The following ZNRF3 variants were observed in gnomAD, a reference collection of about 807,000 sequenced individuals.
ZNRF3 encodes the protein E3 ubiquitin-protein ligase ZNRF3.
Under a neutral mutation model 72.5 loss-of-function variants are expected in ZNRF3, and 23 were observed. The observed-to-expected ratio is 0.32, with a 90% CI of 0.23 to 0.45. ZNRF3 has a LOEUF of 0.45. Among genes scored for constraint, ZNRF3 ranks in the 20% least tolerant of loss-of-function variants. The pLI is 1.00. For synonymous variants in ZNRF3, 610 were observed against 545.3 expected (o/e 1.12, Z -1.65); for missense variants, 1,169 against 1,272.1 (o/e 0.92, Z 1.23).
At chr22:28,930,912 T>G (rs1475256737) in intron 1 of ZNRF3, among the ~76,000 whole-genome samples, 1 of 152,174 alleles carries the variant, frequency 6.6e-6, no homozygotes, top group Non-Finnish European at 1.5e-5. Context: ...GCTGGGTCTT[T>G]GTCATAGGTT....
At chr22:28,920,300 TC>T (rs1168940154) in intron 1 of ZNRF3, among the ~76,000 whole-genome samples, 3 of 151,010 alleles carry the variant, frequency 2.0e-5, no homozygotes, top group African/African-American at 4.9e-5. Context: ...AGACAGAGTC[TC>T]GCTCTGTTGC....
In ZNRF3 at chr22:29,049,169, C is replaced by G; in HGVS notation, c.1016-28C>G. ...CTGACACCAGTATGCTCAGCCCTGCCTACTCTGTTTCCTCCACTTGTCTCC... is the reference window on the plus strand; with the variant it reads ...CTGACACCAGTATGCTCAGCCCTGCGTACTCTGTTTCCTCCACTTGTCTCC... On this transcript the variant is annotated intron_variant, in intron 7 of 8. Transcript: ENST00000544604. The surrounding 1 kb of genome is among the most constrained non-coding windows in gnomAD (Gnocchi z 5.2). 1.3e-6 allele frequency: 2 copies of G among 1,565,200 alleles called. No individual in the cohort carries two copies. Among genetic ancestry groups the G allele is most frequent in the Non-Finnish European group, 1.7e-6 (2 of 1,153,090 alleles).
intron 1 of ZNRF3, among the ~76,000 whole-genome samples, chr22:28,971,856 A>G (rs1012648550): frequency 2.0e-5 from 3 of 152,054 alleles, no homozygotes; most frequent in African/African-American, 7.2e-5. Context: ...ACAGGTTTAC[A>G]CCACCACACC....
At chr22:29,006,640 A>G (rs1179810601) in intron 2 of ZNRF3, among the ~76,000 whole-genome samples, 3 of 152,158 alleles carry the variant, frequency 2.0e-5, no homozygotes, top group Admixed American at 6.5e-5. Flanking sequence ...GTTGTGCTCC[A>G]TGGCTTTCTG....
intron 1 of ZNRF3, among the ~76,000 whole-genome samples, chr22:28,939,283 CA>C (rs132557): frequency 2.4e-4 from 31 of 128,562 alleles, no homozygotes; most frequent in Admixed American, 6.1e-4. Flanking sequence ...GGCTCTATCT[CA>C]AAAAAAAAAA....
At chr22:28,941,727 A>G (rs2034950991) in intron 1 of ZNRF3, among the ~76,000 whole-genome samples, 1 of 152,068 alleles carries the variant, frequency 6.6e-6, no homozygotes, top group South Asian at 2.1e-4. Context: ...AGTGACCAGC[A>G]TGGTGAAAGC....
At chr22:28,936,354 G>A (rs1422463974) in intron 1 of ZNRF3, among the ~76,000 whole-genome samples, 2 of 152,114 alleles carry the variant, frequency 1.3e-5, no homozygotes, top group Non-Finnish European at 2.9e-5. Flanking sequence ...CCTAGGTGTC[G>A]TGACCATCAT....
chr22:29,050,798 A>T lies in ZNRF3; in HGVS notation c.2617A>T (p.Thr873Ser). ...TPRPHRGLGA[T>S]REEERALCCQ... ...ACGGCCCCACAGGGGCCTGGGAGCA[A>T]CCCGGGAAGAGGAGCGGGCTCTGTG... Residue 873 changes from threonine (T) to serine (S), a missense_variant, in exon 8 of 9, where the codon ACC becomes TCC. Physicochemically the swap from Thr to Ser is moderately conservative, Grantham distance 58 (BLOSUM62 1). Transcript: ENST00000544604. 1 of 1,607,986 alleles carries T rather than the reference A, an allele frequency of 6.2e-7. No individual in the cohort carries two copies. Among genetic ancestry groups the T allele is most frequent in the Non-Finnish European group, 8.5e-7 (1 of 1,177,714 alleles).
At position 28,995,907 on chromosome 22, in the gene ZNRF3, C is replaced by G. The variant is rs1165633946; in HGVS notation, c.426+8706C>G. Among the ~76,000 whole-genome samples the G allele has an allele frequency of 2.6e-5, 4 of 152,034 alleles. No individual in the cohort carries two copies. In the East Asian group the frequency reaches 5.8e-4, roughly 22 times the overall value. ...CCTCCCACCTCAGCCACCCGAGTAA[C>G]TGTGACTATAGGCACATGCCATGAT... On this transcript the variant is annotated intron_variant, in intron 2 of 8. Coordinates refer to ENST00000544604, the MANE Select transcript of ZNRF3 (RefSeq NM_001206998.2).
intron 1 of ZNRF3, among the ~76,000 whole-genome samples, chr22:28,911,820 T>C (rs2123761248): frequency 6.6e-6 from 1 of 152,280 alleles, no homozygotes; most frequent in South Asian, 2.1e-4. Context: ...AGAAGGGAGA[T>C]AGTGAGTGTG....
At position 29,049,683 on chromosome 22, in the gene ZNRF3, C is replaced by G; in HGVS notation, c.1502C>G (p.Pro501Arg). ...APRGPARAFP[P>R]SGSGSLLFPT... ...CGGGGCCCGGCCCGTGCCTTTCCTC[C>G]GAGCGGCAGTGGCAGCCTGCTCTTC... Residue 501 changes from proline (P) to arginine (R), a missense_variant, in exon 8 of 9, where the codon CCG (proline) becomes CGG (arginine). Transcript: ENST00000544604. The surrounding 1 kb of genome is among the most constrained non-coding windows in gnomAD (Gnocchi z 5.2). 1 of 1,607,724 alleles carries G rather than the reference C, an allele frequency of 6.2e-7. No individual in the cohort carries two copies.
At chr22:29,020,616 G>A (rs1023862916) in intron 2 of ZNRF3, among the ~76,000 whole-genome samples, 3 of 151,818 alleles carry the variant, frequency 2.0e-5, no homozygotes, top group Admixed American at 6.6e-5. Context: ...TTGAATGCAC[G>A]GATGTGAAAC....
Position 28,972,992 on chromosome 22 carries a change from T to G in ZNRF3, c.301-14084T>G, listed in dbSNP as rs576830845. On this transcript the variant is annotated intron_variant, in intron 1 of 8. Coordinates refer to ENST00000544604, the MANE Select transcript of ZNRF3 (RefSeq NM_001206998.2). ...GTTTTATACCTTTAAATTATTCATT[T>G]ATTTATTCTTAGAGACAGGGCCTTG... Among the ~76,000 whole-genome samples, 216 of 152,336 alleles carry G rather than the reference T, an allele frequency of 1.4e-3. 1 individual carries two copies. Among genetic ancestry groups the G allele is most frequent in the South Asian group, 0.012 (59 of 4,820 alleles).
At chr22:28,944,754 C>CAAAAA (rs35578297) in intron 1 of ZNRF3, among the ~76,000 whole-genome samples, 1 of 88,238 alleles carries the variant, frequency 1.1e-5, no homozygotes, top group African/African-American at 4.5e-5. Flanking sequence ...GACTCCATCT[C>CAAAAA]AAAAAAAAAA....
At chr22:29,021,762 A>G (rs910782437) in intron 2 of ZNRF3, among the ~76,000 whole-genome samples, 14 of 152,328 alleles carry the variant, frequency 9.2e-5, no homozygotes, top group Middle Eastern at 6.8e-3. Flanking sequence ...TGCTGGGATT[A>G]CAGGCGTAAG....
At chr22:29,010,964 T>C (rs1028018139) in intron 2 of ZNRF3, among the ~76,000 whole-genome samples, 3 of 152,234 alleles carry the variant, frequency 2.0e-5, no homozygotes, top group African/African-American at 7.2e-5. Flanking sequence ...CCACCATGCC[T>C]GGCCAAAAGT....
chr22:28,883,828 G>GCCGCCC lies in ZNRF3; in HGVS notation c.67_72dup (p.Pro23_Arg24dup), dbSNP rs2033712690. 5.1e-6 allele frequency: 5 copies of GCCGCCC among 978,042 alleles called. No homozygotes were observed. The South Asian group carries it at 1.8e-4, about 36-fold the overall frequency. The allele number at this position is 978,042 out of a possible 1,614,324, so 60.6% of individuals were successfully genotyped here. A position where few individuals can be genotyped will look rare whatever the true frequency, so the allele number is the denominator to read the frequency against. On this transcript the variant is annotated inframe_insertion, in exon 1 of 9. Coordinates refer to ENST00000544604, the MANE Select transcript of ZNRF3 (RefSeq NM_001206998.2). This position sits in a 1 kb window ranked among gnomAD's most constrained non-coding sequence, Gnocchi z 5.5. ...GGCCGCCGCCGCCGCCGCCTGCGCC[G>GCCGCCC]CCGCCCCCGCGGCCTCCGGTGCAGC...
chr22:28,975,480 C>G (rs1050030064), intron 1 of ZNRF3, among the ~76,000 whole-genome samples: 5 of 136,430 alleles, frequency 3.7e-5, no homozygotes, highest in Non-Finnish European at 6.1e-5. Context: ...TGCACTCCAG[C>G]CTGGGAGACA....
intron 1 of ZNRF3, among the ~76,000 whole-genome samples, chr22:28,909,826 C>G (rs1047562123): frequency 6.1e-5 from 9 of 148,256 alleles, no homozygotes; most frequent in African/African-American, 2.0e-4. Context: ...CTCCTGGGCT[C>G]AAGGGATCCA....
Sources: gnomAD v4.1 joint callset for allele counts (sites outside exome capture counted in the v4.1 genomes callset) on GRCh38, gnomAD v4.1.1 for gene constraint, Gnocchi (gnomAD v3.1) non-coding constraint, MANE v1.5 for transcripts, NCBI Gene and HGNC (gene_info 2026-07-23, HGNC 2026-07-21) for gene names.